The following PATZ1 variants were observed in gnomAD, a reference collection of about 807,000 sequenced individuals.
PATZ1 encodes the protein POZ/BTB and AT hook containing zinc finger 1, also known as POZ-, AT hook-, and zinc finger-containing protein 1.
In PATZ1, 9 loss-of-function variants were observed where a neutral mutation model predicts 46.2. That is an observed-to-expected ratio of 0.19 (90% CI 0.12 to 0.34). PATZ1 has a LOEUF of 0.34. Among genes scored for constraint, PATZ1 ranks in the 10% least tolerant of loss-of-function variants. PATZ1 has a pLI of 1.00. For missense variants in PATZ1, 632 were observed against 923.0 expected (o/e 0.68, Z 4.08); for synonymous variants, 426 against 378.6 (o/e 1.13, Z -1.45).
At chr22:31,332,390 G>T (rs964539070) in intron 3 of PATZ1, among the ~76,000 whole-genome samples, 1 of 152,186 alleles carries the variant, frequency 6.6e-6, no homozygotes, top group African/African-American at 2.4e-5. Context: ...GATTAACCAA[G>T]ATCCAAAGAG....
chr22:31,334,614 G>T (rs2049485550), intron 3 of PATZ1, among the ~76,000 whole-genome samples: 1 of 152,232 alleles, frequency 6.6e-6, no homozygotes, highest in Non-Finnish European at 1.5e-5. Context: ...AGTCTCCCAA[G>T]TGTGCGGCTC....
intron 2 of PATZ1, 124 bp from the exon 3 acceptor site, chr22:31,335,987 C>G: frequency 1.2e-6 from 1 of 866,604 alleles, no homozygotes; most frequent in Non-Finnish European, 1.8e-6. Flanking sequence ...ATAAAGACAG[C>G]TTTAGAGTTT....
At chr22:31,330,375 T>C (rs942428666) in intron 3 of PATZ1, among the ~76,000 whole-genome samples, 2 of 152,104 alleles carry the variant, frequency 1.3e-5, no homozygotes, top group Non-Finnish European at 2.9e-5. Context: ...CCATCCTGGC[T>C]AACACAGTGA....
intron 3 of PATZ1, among the ~76,000 whole-genome samples, chr22:31,335,183 A>C (rs765552688): frequency 6.6e-6 from 1 of 152,134 alleles, no homozygotes; most frequent in Non-Finnish European, 1.5e-5. Flanking sequence ...AATCTACCTG[A>C]GTTTGGGCTC....
intron 2 of PATZ1, among the ~76,000 whole-genome samples, chr22:31,336,538 C>T (rs1466541712): frequency 6.6e-6 from 1 of 152,090 alleles, no homozygotes; most frequent in Non-Finnish European, 1.5e-5. Context: ...GGTGCGGTGG[C>T]TCATGCTTGT....
rs2145807058 is a variant in PATZ1 at position 31,325,961 on chromosome 22, T to TAC, written c.*928_*929dup. The TAC allele has an allele frequency of 4.7e-6, 1 of 214,582 alleles. No homozygotes were observed. The highest frequency in any genetic ancestry group is 9.4e-6 in the Non-Finnish European group (1 of 106,028). 13.3% of individuals were successfully genotyped at this position (214,582 alleles called of 1,614,324 possible). ...GGTTCCCAACAGCATTGAAACCCCC[T>TAC]ACTTCCCTGACCAGACTGGCATTTT... On this transcript the variant is annotated 3_prime_UTR_variant, in exon 5 of 5. Transcript: ENST00000266269.
Position 31,341,760 on chromosome 22 carries a change from A to C in PATZ1, c.1335+1137T>G, listed in dbSNP as rs2049586041. On this transcript the variant is annotated intron_variant, in intron 2 of 4. Transcript: ENST00000266269. Reference sequence around the variant, plus strand: ...CCCCACTGCCCTCTGGGCTCCTCCTACTCTGCCCGGGCTAATCAGCACACT... The same window carrying C: ...CCCCACTGCCCTCTGGGCTCCTCCTCCTCTGCCCGGGCTAATCAGCACACT... 3.8e-6 allele frequency: 5 copies of C among 1,324,058 alleles called. No individual in the cohort carries two copies. The Admixed American group carries it at 1.1e-4, about 29-fold the overall frequency. The allele number at this position is 1,324,058 out of a possible 1,614,324, so 82.0% of individuals were successfully genotyped here.
chr22:31,345,069 A>AG lies in PATZ1; in HGVS notation c.533dup (p.Gly179TrpfsTer121). Reference sequence around the variant, plus strand: ...AAGGGAAGCCCAAGTCCGAGGTCCCAGGGGGGCGAAAGAGCATTATATCGG... The same window carrying AG: ...AAGGGAAGCCCAAGTCCGAGGTCCCAGGGGGGGCGAAAGAGCATTATATCGG... On this transcript the variant is annotated frameshift_variant, in exon 1 of 5. Coordinates refer to ENST00000266269, the MANE Select transcript of PATZ1 (RefSeq NM_014323.3). LOFTEE classifies it high-confidence loss of function. This position sits in a 1 kb window ranked among gnomAD's most constrained non-coding sequence, Gnocchi z 7.4. 1.2e-6 allele frequency: 2 copies of AG among 1,614,132 alleles called. No individual in the cohort carries two copies. Among genetic ancestry groups the AG allele is most frequent in the Non-Finnish European group, 1.7e-6 (2 of 1,180,002 alleles).
chr22:31,326,809 C>T lies in PATZ1; in HGVS notation c.*82G>A, dbSNP rs2049374165. 7.8e-7 allele frequency: 1 copy of T among 1,279,332 alleles called. No individual in the cohort carries two copies. Among genetic ancestry groups the T allele is most frequent in the African/African-American group, 1.5e-5 (1 of 66,900 alleles). The allele number at this position is 1,279,332 out of a possible 1,614,324, so 79.2% of individuals were successfully genotyped here. A position where few individuals can be genotyped will look rare whatever the true frequency, so the allele number is the denominator to read the frequency against. On this transcript the variant is annotated 3_prime_UTR_variant, in exon 5 of 5. Coordinates refer to ENST00000266269, the MANE Select transcript of PATZ1 (RefSeq NM_014323.3). ...GAATAAAAATCTCTCAGCTACAGAA[C>T]CCAAACATCACTTCCCTCCGCATTC... is the stretch of plus-strand genomic sequence containing the variant.
At position 31,346,003 on chromosome 22, in the gene PATZ1, GAGA is replaced by G. The variant is rs1449164004; in HGVS notation, c.-404_-402del. On this transcript the variant is annotated 5_prime_UTR_variant, in exon 1 of 5. Coordinates refer to ENST00000266269, the MANE Select transcript of PATZ1 (RefSeq NM_014323.3). The stretch of plus-strand genomic sequence containing the variant: ...AAGAAGGGCACGCGCACGCGGGGAG[GAGA>G]AGGAGGGGTCCGCCGCGCAGGCGCG... 1.6e-5 allele frequency: 3 copies of G among 193,370 alleles called. No individual in the cohort carries two copies. The highest frequency in any genetic ancestry group is 3.2e-5 in the Non-Finnish European group (3 of 93,420). The allele number at this position is 193,370 out of a possible 1,614,324, so 12.0% of individuals were successfully genotyped here.
chr22:31,342,593 C>A, intron 2 of PATZ1, among the ~76,000 whole-genome samples: 1 of 152,234 alleles, frequency 6.6e-6, no homozygotes, highest in South Asian at 2.1e-4. Flanking sequence ...CTGTGTGATA[C>A]GGCCCACCAT....
chr22:31,345,389 C>A lies in PATZ1; in HGVS notation c.214G>T (p.Ala72Ser), dbSNP rs753761567. The A allele has an allele frequency of 2.5e-6, 4 of 1,609,474 alleles. 1 individual carries two copies. In the South Asian group the frequency reaches 4.4e-5, roughly 18 times the overall value. The change falls in exon 1 of 5, where the codon GCC becomes TCC. Residue 72 changes from alanine (A) to serine (S), a missense_variant. By Grantham distance (99) the Ala-to-Ser change is moderately conservative (BLOSUM62 1). Coordinates refer to ENST00000266269, the MANE Select transcript of PATZ1 (RefSeq NM_014323.3). The surrounding 1 kb of genome is among the most constrained non-coding windows in gnomAD (Gnocchi z 7.4). ...GCAGCTCCGCCGTCGCCCAACTGGG[C>A]GCTGAACACCGACTCAAAGTACTCG... ...CSEYFESVFS[A>S]QLGDGGAADG...
chr22:31,328,079 G>C lies in PATZ1; in HGVS notation c.1645+708C>G, dbSNP rs1441492666. 6.6e-6 allele frequency among the ~76,000 whole-genome samples: 1 copy of C among 152,184 alleles called. No individual in the cohort carries two copies. The highest frequency in any genetic ancestry group is 1.5e-5 in the Non-Finnish European group (1 of 68,036). ...GCCTGGGTCCAGAGAGCCATGCCGG[G>C]AAGGGAGGTCTGTGATGGGAGCATG... On this transcript the variant is annotated intron_variant, in intron 4 of 4. Transcript: ENST00000266269. The surrounding 1 kb of genome is among the most constrained non-coding windows in gnomAD (Gnocchi z 4.8).
chr22:31,341,490 AAG>A, intron 2 of PATZ1: 1 of 1,613,514 alleles, frequency 6.2e-7, no homozygotes, highest in African/African-American at 1.3e-5. Context: ...GGCTGGGCAG[AAG>A]AGAGTGTTGC....
In PATZ1 at chr22:31,327,313, C is replaced by G. The variant is rs181922158; in HGVS notation, c.1646-4G>C. Reference sequence around the variant, plus strand: ...TGATGTGAGCATTTCTGGCCTTCTACGAAAAAACAAAATATAGGAGAGCGA... The same window carrying G: ...TGATGTGAGCATTTCTGGCCTTCTAGGAAAAAACAAAATATAGGAGAGCGA... On this transcript the variant is annotated splice_region_variant and splice_polypyrimidine_tract_variant and intron_variant, in intron 4 of 4. Transcript: ENST00000266269. This position sits in a 1 kb window ranked among gnomAD's most constrained non-coding sequence, Gnocchi z 4.2. 1 of 1,609,204 alleles carries G rather than the reference C, an allele frequency of 6.2e-7. No individual in the cohort carries two copies. Among genetic ancestry groups the G allele is most frequent in the African/African-American group, 1.3e-5 (1 of 74,512 alleles).
At chr22:31,336,805 CAAA>C (rs747328196) in intron 2 of PATZ1, among the ~76,000 whole-genome samples, 2,545 of 64,412 alleles carry the variant, frequency 0.04, 192 homozygotes, top group East Asian at 0.39. Context: ...GACTTCCTCT[CAAA>C]AAAAAAAAAA....
intron 2 of PATZ1, among the ~76,000 whole-genome samples, chr22:31,339,486 G>A (rs979464401): frequency 6.6e-6 from 1 of 152,160 alleles, no homozygotes; most frequent in Non-Finnish European, 1.5e-5. Context: ...AGGAGAGAAG[G>A]GGCGGAGGGA....
Position 31,328,037 on chromosome 22 carries a change from C to T in PATZ1, c.1646-728G>A, listed in dbSNP as rs546297164. Among the ~76,000 whole-genome samples, 124 of 152,316 alleles carry T rather than the reference C, an allele frequency of 8.1e-4. No individual in the cohort carries two copies. The highest frequency in any genetic ancestry group is 1.9e-3 in the African/African-American group (77 of 41,572). On this transcript the variant is annotated intron_variant, in intron 4 of 4. Transcript: ENST00000266269. This position sits in a 1 kb window ranked among gnomAD's most constrained non-coding sequence, Gnocchi z 4.8. ...GCCCGGCCCACACTGGAGTCCTCCA[C>T]CAATCAGCAGCTTCCTGCCTGGGTC... is the stretch of plus-strand genomic sequence containing the variant.
At chr22:31,329,055 G>A (rs747086803) in intron 3 of PATZ1, 131 bp from the exon 4 acceptor site, 1 of 914,256 alleles carries the variant, frequency 1.1e-6, no homozygotes, top group Non-Finnish European at 1.6e-6. Context: ...GCCCCCTCCT[G>A]GCTCAAAAAT....
Sources: allele counts gnomAD v4.1 joint callset (sites outside exome capture counted in the v4.1 genomes callset), GRCh38; gene constraint gnomAD v4.1.1; non-coding constraint Gnocchi (gnomAD v3.1); transcripts MANE v1.5; gene names NCBI Gene and HGNC (gene_info 2026-07-23, HGNC 2026-07-21).